Variants in MGAT5 observed in about 807,000 individuals in gnomAD.
MGAT5 encodes the protein alpha-1,6-mannosylglycoprotein 6-beta-N-acetylglucosaminyltransferase.
In MGAT5, 30 loss-of-function variants were observed where a neutral mutation model predicts 94.3. That is an observed-to-expected ratio of 0.32 (90% CI 0.24 to 0.43). MGAT5 has a LOEUF of 0.43. MGAT5 is among the 20% of genes least tolerant of loss of function. MGAT5 has a pLI of 1.00. For missense variants in MGAT5, 691 were observed against 905.5 expected, an observed-to-expected ratio of 0.76 and a Z score of 3.04; for synonymous variants, 310 against 322.9, an observed-to-expected ratio of 0.96 and a Z score of 0.43.
At chr2:134,152,592 T>C (rs1413723678) in intron 1 of MGAT5, among the ~76,000 whole-genome samples, 1 of 152,256 alleles carries the variant, frequency 6.6e-6, no homozygotes, top group Non-Finnish European at 1.5e-5. Flanking sequence ...AGGAAGTAAA[T>C]GTAAAATCAA....
chr2:134,393,383 C>T (rs749753051), intron 10 of MGAT5, among the ~76,000 whole-genome samples: 5 of 152,116 alleles, frequency 3.3e-5, no homozygotes, highest in Admixed American at 1.3e-4. Flanking sequence ...GTAATTAATG[C>T]CACCCCTTCT....
At chr2:134,416,242 T>A (rs1022800154) in intron 12 of MGAT5, among the ~76,000 whole-genome samples, 3 of 152,184 alleles carry the variant, frequency 2.0e-5, no homozygotes, top group African/African-American at 7.2e-5. Context: ...CAGAACTTGT[T>A]CATCATTCTA....
upstream of MGAT5, among the ~76,000 whole-genome samples, chr2:134,250,389 T>G (rs1024294987): frequency 1.3e-5 from 2 of 152,220 alleles, no homozygotes; most frequent in African/African-American, 4.8e-5. Context: ...GGCATCTTCT[T>G]AGCTCCAGCA....
At chr2:134,340,100 T>A (rs1688542855) in intron 6 of MGAT5, among the ~76,000 whole-genome samples, 1 of 152,148 alleles carries the variant, frequency 6.6e-6, no homozygotes, top group African/African-American at 2.4e-5. Flanking sequence ...GACCTTGAGT[T>A]TGAATTGGAA....
At chr2:134,432,546 G>A (rs1202112866) in intron 14 of MGAT5, among the ~76,000 whole-genome samples, 3 of 152,194 alleles carry the variant, frequency 2.0e-5, no homozygotes, top group Non-Finnish European at 4.4e-5. Context: ...GAAAAGGGGA[G>A]AAGGTTGGTA....
At chr2:134,341,497 T>C in intron 6 of MGAT5, 93 bp from the exon 7 acceptor site, 1 of 1,058,908 alleles carries the variant, frequency 9.4e-7, no homozygotes, top group Non-Finnish European at 1.4e-6. Flanking sequence ...GATGTAAACA[T>C]GACTTTGGGA....
In MGAT5 at chr2:134,266,510, C is replaced by T. The variant is rs939297085; in HGVS notation, c.242-3876C>T. On this transcript the variant is annotated intron_variant, in intron 1 of 15. Transcript: ENST00000281923. ...TGCTAGGATTACAGGCGTGAGCCGC[C>T]GCGCCAGCCTGTTATTTCTTTAAAG... 1.1e-4 allele frequency among the ~76,000 whole-genome samples: 17 copies of T among 152,334 alleles called. No individual in the cohort carries two copies. In the South Asian group the frequency reaches 1.9e-3, roughly 17 times the overall value.
chr2:134,243,024 C>G (rs1682053593), intron 1 of MGAT5, among the ~76,000 whole-genome samples: 1 of 151,188 alleles, frequency 6.6e-6, no homozygotes, highest in Non-Finnish European at 1.5e-5. Context: ...GCCAGTGACT[C>G]TACATTTGTG....
intron 1 of MGAT5, among the ~76,000 whole-genome samples, chr2:134,233,824 CAG>C (rs1681492875): frequency 6.6e-6 from 1 of 152,202 alleles, no homozygotes; most frequent in South Asian, 2.1e-4. Context: ...TATGTCAGTG[CAG>C]AGATTTTAAT....
chr2:134,349,383 T>C (rs1282345651), intron 8 of MGAT5, among the ~76,000 whole-genome samples: 1 of 152,190 alleles, frequency 6.6e-6, no homozygotes, highest in African/African-American at 2.4e-5. Context: ...ACACGTGTCA[T>C]ATGCTTTAAG....
intron 2 of MGAT5, among the ~76,000 whole-genome samples, chr2:134,284,139 T>C (rs536444638): frequency 6.6e-6 from 1 of 152,348 alleles, no homozygotes; most frequent in Non-Finnish European, 1.5e-5. Flanking sequence ...TTCCTCCAAA[T>C]GGGAGATTGC....
chr2:134,189,592 GTTTTTTTTTGTTT>G (rs1231267771), intron 1 of MGAT5, among the ~76,000 whole-genome samples: 1 of 56,300 alleles, frequency 1.8e-5, no homozygotes, highest in East Asian at 4.8e-4. Context: ...CATGGCTCTA[GTTTTTTTTTGTTT>G]TTTTTTTTTT....
chr2:134,269,504 A>G lies in MGAT5; in HGVS notation c.242-882A>G, dbSNP rs569964270. On this transcript the variant is annotated intron_variant, in intron 1 of 15. Coordinates refer to ENST00000281923, the MANE Select transcript of MGAT5 (RefSeq NM_002410.5). ...TCTGTGGATGGTTATGCAGTCACCC[A>G]TCTGCTTTTCTGACACATACAAGTC... Among the ~76,000 whole-genome samples the G allele has an allele frequency of 3.2e-4, 48 of 152,344 alleles. 1 individual carries two copies. The South Asian group carries it at 7.0e-3, about 22-fold the overall frequency.
At chr2:134,259,984 C>A (rs1683216129) in intron 1 of MGAT5, among the ~76,000 whole-genome samples, 1 of 152,066 alleles carries the variant, frequency 6.6e-6, no homozygotes, top group South Asian at 2.1e-4. Flanking sequence ...ATCTTTTAAC[C>A]AGAATGACAC....
chr2:134,221,796 G>A (rs1422491164), intron 1 of MGAT5, among the ~76,000 whole-genome samples: 1 of 152,156 alleles, frequency 6.6e-6, no homozygotes, highest in Non-Finnish European at 1.5e-5. Context: ...AGGTGGGCAC[G>A]TAAGATTGTA....
intron 2 of MGAT5, among the ~76,000 whole-genome samples, chr2:134,292,873 G>C (rs1468451105): frequency 6.6e-6 from 1 of 152,146 alleles, no homozygotes; most frequent in African/African-American, 2.4e-5. Flanking sequence ...GAAACCCCCT[G>C]CAGTTGAGCC....
intron 4 of MGAT5, among the ~76,000 whole-genome samples, chr2:134,330,667 T>C (rs996435645): frequency 6.6e-6 from 1 of 151,984 alleles, no homozygotes; most frequent in Non-Finnish European, 1.5e-5. Context: ...TTAATGTTCA[T>C]TGTGAAATGT....
chr2:134,229,314 G>A (rs1681226970), intron 1 of MGAT5, among the ~76,000 whole-genome samples: 1 of 152,154 alleles, frequency 6.6e-6, no homozygotes, highest in African/African-American at 2.4e-5. Flanking sequence ...TCATAGAATG[G>A]CACATGAATT....
intron 1 of MGAT5, among the ~76,000 whole-genome samples, chr2:134,172,972 T>G (rs191944559): frequency 1.4e-4 from 22 of 152,314 alleles, no homozygotes; most frequent in Admixed American, 1.3e-3. Flanking sequence ...ACTAGATGAA[T>G]GTCTTGACGT....
Sources: gnomAD v4.1 joint callset for allele counts (sites outside exome capture counted in the v4.1 genomes callset) on GRCh38, gnomAD v4.1.1 for gene constraint, MANE v1.5 for transcripts, NCBI Gene and HGNC (gene_info 2026-07-23, HGNC 2026-07-21) for gene names.